Variants in EIPR1 observed in about 807,000 individuals in gnomAD.
EIPR1 encodes EARP and GARP complex-interacting protein 1.
A neutral mutation model predicts 48.1 loss-of-function variants in EIPR1; 25 were observed. The ratio of observed to expected loss-of-function variants is 0.52; its 90% confidence interval spans 0.38 to 0.73. The LOEUF (loss-of-function observed/expected upper bound fraction) is 0.73. Among genes scored for constraint, EIPR1 ranks in the 30% least tolerant of loss-of-function variants. The probability of loss-of-function intolerance (pLI) is 0.00; values close to 1 mark genes in which losing one functional copy is unlikely to be tolerated. For missense variants in EIPR1, 415 were observed against 506.2 expected (o/e 0.82, Z 1.73); for synonymous variants, 204 against 201.9 (o/e 1.01, Z -0.09).
At chr2:3,202,132 T>A (rs1665062446) in intron 5 of EIPR1, among the ~76,000 whole-genome samples, 1 of 151,830 alleles carries the variant, frequency 6.6e-6, no homozygotes, top group South Asian at 2.1e-4. Flanking sequence ...AGAGACGGGG[T>A]TTCACCATGT....
intron 4 of EIPR1, among the ~76,000 whole-genome samples, chr2:3,237,221 T>TACACACACACAC (rs35498711): frequency 0.021 from 2,651 of 127,784 alleles, 73 homozygotes; most frequent in East Asian, 0.07. Flanking sequence ...TTTTGAAAAC[T>TACACACACACAC]ACACACACAC....
intron 3 of EIPR1, among the ~76,000 whole-genome samples, chr2:3,295,563 C>CCT (rs1447047120): frequency 5.9e-5 from 8 of 135,310 alleles, no homozygotes; most frequent in East Asian, 5.0e-4. Flanking sequence ...CCCATCCTCT[C>CCT]TCCACACACA....
intron 5 of EIPR1, among the ~76,000 whole-genome samples, chr2:3,199,095 C>T (rs572538756): frequency 7.4e-5 from 10 of 135,794 alleles, no homozygotes; most frequent in South Asian, 2.7e-4. Flanking sequence ...ATTCTTTTCC[C>T]GGGCTGTTAA....
chr2:3,370,478 T>A (rs1185833656), intron 1 of EIPR1, among the ~76,000 whole-genome samples: 2 of 152,208 alleles, frequency 1.3e-5, no homozygotes, highest in Non-Finnish European at 2.9e-5. Context: ...GCAAAGAAGT[T>A]GAAAACTTTG....
intron 3 of EIPR1, among the ~76,000 whole-genome samples, chr2:3,263,721 G>A (rs947299402): frequency 5.9e-5 from 9 of 152,100 alleles, no homozygotes; most frequent in African/African-American, 1.4e-4. Context: ...TCCCCAGGAC[G>A]CGGCACGGTG....
intron 3 of EIPR1, among the ~76,000 whole-genome samples, chr2:3,283,948 A>G (rs1212178810): frequency 6.9e-6 from 1 of 145,838 alleles, no homozygotes; most frequent in Non-Finnish European, 1.5e-5. Context: ...TACATCTAAA[A>G]AAAAAAAAAA....
intron 6 of EIPR1, 26 bp downstream of exon 6, chr2:3,196,852 TGGG>T: frequency 6.2e-7 from 1 of 1,610,034 alleles, no homozygotes. Context: ...GGAAAGGAAG[TGGG>T]GCCTGCGCCG....
chr2:3,284,021 G>A (rs181254410), intron 3 of EIPR1, among the ~76,000 whole-genome samples: 8 of 152,332 alleles, frequency 5.3e-5, no homozygotes, highest in African/African-American at 9.6e-5. Flanking sequence ...GCGAGGGAGC[G>A]GTGCAGAGGC....
chr2:3,337,955 C>A lies in EIPR1; in HGVS notation c.259+62G>T. 2.6e-6 allele frequency: 4 copies of A among 1,532,500 alleles called. No individual in the cohort carries two copies. The African/African-American group carries it at 5.6e-5, about 21-fold the overall frequency. 94.9% of individuals were successfully genotyped at this position (1,532,500 alleles called of 1,614,324 possible). ...GTCGACCCATTAGCAATACAAAACC[C>A]GTCTTAGGAAATACCTCCAGTTACC... On this transcript the variant is annotated intron_variant, in intron 3 of 8. Coordinates refer to ENST00000382125, the MANE Select transcript of EIPR1 (RefSeq NM_003310.5).
At chr2:3,246,404 A>G (rs1666795120) in intron 4 of EIPR1, among the ~76,000 whole-genome samples, 1 of 152,122 alleles carries the variant, frequency 6.6e-6, no homozygotes, top group Non-Finnish European at 1.5e-5. Context: ...AGCCACACAC[A>G]CTGCTTTCCT....
rs1422434541 is a variant in EIPR1, at chr2:3,189,865, C to T, written c.990-357G>A. On this transcript the variant is annotated intron_variant, in intron 8 of 8. Coordinates refer to ENST00000382125, the MANE Select transcript of EIPR1 (RefSeq NM_003310.5). This position sits in a 1 kb window ranked among gnomAD's most constrained non-coding sequence, Gnocchi z 4.6. Reference sequence around the variant, plus strand: ...GGCTTCCTTTAGCTCAGGGGAAAGACTGGGGGAAGTAGTCACCGTGTCTGG... The same window carrying T: ...GGCTTCCTTTAGCTCAGGGGAAAGATTGGGGGAAGTAGTCACCGTGTCTGG... Among the ~76,000 whole-genome samples the T allele has an allele frequency of 6.6e-6, 1 of 152,164 alleles. No individual in the cohort carries two copies. Among genetic ancestry groups the T allele is most frequent in the Non-Finnish European group, 1.5e-5 (1 of 68,022 alleles).
Position 3,194,388 on chromosome 2 carries a change from T to A in EIPR1, c.654-222A>T, listed in dbSNP as rs1383856557. On this transcript the variant is annotated intron_variant, in intron 6 of 8. Coordinates refer to ENST00000382125, the MANE Select transcript of EIPR1 (RefSeq NM_003310.5). ...CCACGCTCATCTCTCCAGAAGCGTA[T>A]CTGTGACCCTCTGGGCGAGCCGTGG... 2.0e-5 allele frequency: 9 copies of A among 444,866 alleles called. No individual in the cohort carries two copies. In the East Asian group the frequency reaches 3.2e-4, roughly 16 times the overall value. 27.6% of individuals were successfully genotyped at this position (444,866 alleles called of 1,614,324 possible). A position where few individuals can be genotyped will look rare whatever the true frequency, so the allele number is the denominator to read the frequency against.
chr2:3,376,628 T>C (rs1206215993), intron 1 of EIPR1, among the ~76,000 whole-genome samples: 3 of 150,350 alleles, frequency 2.0e-5, no homozygotes, highest in Non-Finnish European at 4.4e-5. Context: ...GAGGCGGAGG[T>C]TGCAGTGAGC....
chr2:3,249,452 A>G (rs892098950), intron 4 of EIPR1, among the ~76,000 whole-genome samples: 6 of 152,230 alleles, frequency 3.9e-5, no homozygotes, highest in African/African-American at 7.2e-5. Flanking sequence ...ACAGCCTACA[A>G]TCAGATACAG....
At chr2:3,334,669 A>T (rs1669991925) in intron 3 of EIPR1, among the ~76,000 whole-genome samples, 1 of 152,258 alleles carries the variant, frequency 6.6e-6, no homozygotes, top group African/African-American at 2.4e-5. Context: ...TCAGAGCAGG[A>T]ACTTGCAGCA....
intron 1 of EIPR1, among the ~76,000 whole-genome samples, chr2:3,358,868 C>T (rs1413800135): frequency 6.6e-6 from 1 of 152,194 alleles, no homozygotes; most frequent in East Asian, 1.9e-4. Flanking sequence ...TGTGTTATCA[C>T]CCTAGACGTT....
intron 2 of EIPR1, among the ~76,000 whole-genome samples, chr2:3,353,842 TCCC>T (rs1670650743): frequency 6.6e-6 from 1 of 152,150 alleles, no homozygotes; most frequent in Non-Finnish European, 1.5e-5. Context: ...GAATGCCATT[TCCC>T]CTGTGTGATC....
At chr2:3,250,514 CAAGTT>C (rs2103207102) in intron 4 of EIPR1, among the ~76,000 whole-genome samples, 1 of 152,288 alleles carries the variant, frequency 6.6e-6, no homozygotes, top group Non-Finnish European at 1.5e-5. Context: ...GGGGCTGGAA[CAAGTT>C]AAGACCTTGG....
rs1260835935 is a variant in EIPR1, at chr2:3,257,050, C to T, written c.416+249G>A. ...GACCCTTTACCCTCTGGCAGGTCCC[C>T]ACGGGCAACACTCCTCTTAGATGAA... is the stretch of plus-strand genomic sequence containing the variant. On this transcript the variant is annotated intron_variant, in intron 4 of 8. Coordinates refer to ENST00000382125, the MANE Select transcript of EIPR1 (RefSeq NM_003310.5). 5.3e-5 allele frequency among the ~76,000 whole-genome samples: 8 copies of T among 152,324 alleles called. No homozygotes were observed. In the East Asian group the frequency reaches 1.2e-3, roughly 22 times the overall value.
Sources: gnomAD v4.1 joint callset for allele counts (sites outside exome capture counted in the v4.1 genomes callset) on GRCh38, gnomAD v4.1.1 for gene constraint, Gnocchi (gnomAD v3.1) non-coding constraint, MANE v1.5 for transcripts, NCBI Gene and HGNC (gene_info 2026-07-23, HGNC 2026-07-21) for gene names.